Variants in PRKN observed in about 807,000 individuals in gnomAD.
PRKN encodes parkin RBR E3 ubiquitin protein ligase.
PRKN carries 56 observed loss-of-function variants against 59.5 expected under a neutral mutation model. The ratio of observed to expected loss-of-function variants is 0.94; its 90% CI spans 0.76 to 1.18. The LOEUF (loss-of-function observed/expected upper bound fraction) is 1.18, where lower values mean the gene tolerates loss of function less well. PRKN is among the 50% of genes most tolerant of loss of function. The pLI is 0.00. For missense variants in PRKN, 657 were observed against 596.4 expected (o/e 1.10, Z -1.06); for synonymous variants, 250 against 222.1 (o/e 1.13, Z -1.12).
chr6:161,971,594 A>T (rs1780810525), intron 6 of PRKN, among the ~76,000 whole-genome samples: 1 of 152,224 alleles, frequency 6.6e-6, no homozygotes, highest in Non-Finnish European at 1.5e-5. Flanking sequence ...GAGAGGCTGA[A>T]GCGCTATATT....
chr6:161,858,858 C>CTTTT (rs71544920), intron 6 of PRKN, among the ~76,000 whole-genome samples: 3 of 71,932 alleles, frequency 4.2e-5, no homozygotes, highest in Non-Finnish European at 5.4e-5. Flanking sequence ...CACAGCTGTA[C>CTTTT]TTTTTTTTTT....
At chr6:162,492,982 C>G (rs1211405453) in intron 1 of PRKN, among the ~76,000 whole-genome samples, 1 of 148,108 alleles carries the variant, frequency 6.8e-6, no homozygotes, top group Non-Finnish European at 1.5e-5. Flanking sequence ...AAAAAAGAAG[C>G]AGAAGAACAT....
chr6:161,787,303 G>A (rs1216429431), intron 6 of PRKN, among the ~76,000 whole-genome samples: 2 of 152,142 alleles, frequency 1.3e-5, no homozygotes, highest in South Asian at 4.1e-4. Context: ...TGCCATGGAT[G>A]TGTAAGTAAT....
intron 1 of PRKN, among the ~76,000 whole-genome samples, chr6:162,589,853 T>C (rs1362490197): frequency 6.6e-6 from 1 of 152,242 alleles, no homozygotes; most frequent in East Asian, 1.9e-4. Flanking sequence ...TGTTTTTGTT[T>C]CTGTCATGGT....
chr6:162,543,316 T>C (rs1232486447), intron 1 of PRKN, among the ~76,000 whole-genome samples: 1 of 152,094 alleles, frequency 6.6e-6, no homozygotes, highest in Non-Finnish European at 1.5e-5. Flanking sequence ...TCTTGGCTAA[T>C]CTTAGCGCCT....
chr6:161,441,258 A>T (rs1789205860), intron 9 of PRKN, among the ~76,000 whole-genome samples: 1 of 152,220 alleles, frequency 6.6e-6, no homozygotes, highest in Admixed American at 6.5e-5. Flanking sequence ...CGTGAAGAGA[A>T]GCGCAGTCCA....
chr6:161,699,546 A>T (rs1409769924), intron 7 of PRKN, among the ~76,000 whole-genome samples: 1 of 152,178 alleles, frequency 6.6e-6, no homozygotes, highest in Non-Finnish European at 1.5e-5. Flanking sequence ...ACCTTAATAT[A>T]ATCTATAATC....
At chr6:162,312,092 A>G (rs555411993) in intron 2 of PRKN, among the ~76,000 whole-genome samples, 1 of 152,216 alleles carries the variant, frequency 6.6e-6, no homozygotes, top group South Asian at 2.1e-4. Context: ...CTTGGAACTC[A>G]TTGGCAGATA....
At chr6:162,430,652 T>C (rs1373814220) in intron 2 of PRKN, among the ~76,000 whole-genome samples, 1 of 152,104 alleles carries the variant, frequency 6.6e-6, no homozygotes, top group African/African-American at 2.4e-5. Flanking sequence ...CTCTAAGTCA[T>C]ATCATTGATC....
intron 6 of PRKN, among the ~76,000 whole-genome samples, chr6:161,834,112 A>G (rs1792636270): frequency 2.0e-5 from 3 of 152,182 alleles, no homozygotes; most frequent in South Asian, 2.1e-4. Context: ...TCTCCAGCAC[A>G]CAGTGAGGAG....
rs992718378 is a variant in PRKN at position 161,428,082 on chromosome 6, G to A, written c.1084-41205C>T. 3.3e-5 allele frequency among the ~76,000 whole-genome samples: 5 copies of A among 152,290 alleles called. No individual in the cohort carries two copies. The highest frequency in any genetic ancestry group is 2.1e-4 in the South Asian group (1 of 4,830). ...CCGTGGAGCTCGGCATTTGGACACA[G>A]CTCACACGCATGAGTGATGCTCTTC... On this transcript the variant is annotated intron_variant, in intron 9 of 11. Transcript: ENST00000366898. This position sits in a 1 kb window ranked among gnomAD's most constrained non-coding sequence, Gnocchi z 4.0.
rs1379974435 is a variant in PRKN at position 161,525,103 on chromosome 6, G to A, written c.1083+23751C>T. Among the ~76,000 whole-genome samples, 3 of 151,392 alleles carry A rather than the reference G, an allele frequency of 2.0e-5. No individual in the cohort carries two copies. Among genetic ancestry groups the A allele is most frequent in the Non-Finnish European group, 4.4e-5 (3 of 67,958 alleles). The stretch of plus-strand genomic sequence containing the variant: ...CTTAATGTGAAAATAAGATTTTTGA[G>A]TTGACACATTCATTCATTTTCTAAA... On this transcript the variant is annotated intron_variant, in intron 9 of 11. Transcript: ENST00000366898. This position sits in a 1 kb window ranked among gnomAD's most constrained non-coding sequence, Gnocchi z 4.7.
chr6:162,674,370 T>C (rs186898756), intron 1 of PRKN, among the ~76,000 whole-genome samples: 1 of 152,256 alleles, frequency 6.6e-6, no homozygotes, highest in East Asian at 1.9e-4. Context: ...AATGATGGAT[T>C]ACTGAGGGGT....
At chr6:162,012,498 T>C in intron 5 of PRKN, among the ~76,000 whole-genome samples, 1 of 151,988 alleles carries the variant, frequency 6.6e-6, no homozygotes, top group East Asian at 1.9e-4. Flanking sequence ...AACTTTCAGA[T>C]AGGATGTCCC....
intron 1 of PRKN, among the ~76,000 whole-genome samples, chr6:162,494,446 C>A (rs1166886719): frequency 2.0e-5 from 3 of 151,658 alleles, no homozygotes; most frequent in African/African-American, 7.2e-5. Flanking sequence ...TGCTCTCCCC[C>A]ACTTCATATC....
At chr6:162,015,091 G>A (rs1448259433) in intron 5 of PRKN, among the ~76,000 whole-genome samples, 3 of 152,108 alleles carry the variant, frequency 2.0e-5, no homozygotes, top group Non-Finnish European at 2.9e-5. Context: ...CAACTTTTGC[G>A]ATTGATCCTT....
chr6:161,381,884 G>A (rs899192588), intron 10 of PRKN, among the ~76,000 whole-genome samples: 2 of 151,856 alleles, frequency 1.3e-5, no homozygotes, highest in South Asian at 2.1e-4. Context: ...AGGCCAAGGC[G>A]GGTGGATCAC....
At chr6:162,538,412 A>C (rs1324609979) in intron 1 of PRKN, among the ~76,000 whole-genome samples, 1 of 152,132 alleles carries the variant, frequency 6.6e-6, no homozygotes, top group East Asian at 1.9e-4. Context: ...AAATAAATAA[A>C]ATTAAAAAAA....
chr6:161,757,931 C>CTATATATATATATATATA (rs1789018975), intron 7 of PRKN, among the ~76,000 whole-genome samples: 4 of 135,746 alleles, frequency 2.9e-5, no homozygotes, highest in African/African-American at 1.2e-4. Context: ...ATCTCTCTCT[C>CTATATATATATATATATA]TGTATATATA....
Sources: allele counts gnomAD v4.1 joint callset (sites outside exome capture counted in the v4.1 genomes callset), GRCh38; gene constraint gnomAD v4.1.1; non-coding constraint Gnocchi (gnomAD v3.1); transcripts MANE v1.5; gene names NCBI Gene and HGNC (gene_info 2026-07-23, HGNC 2026-07-21).